MYO3B: variants seen among roughly 807,000 people sequenced by gnomAD.
The protein encoded by MYO3B is myosin-IIIb.
In MYO3B, 156 loss-of-function variants were observed where a neutral mutation model predicts 174.6. That is an observed-to-expected ratio of 0.89 (90% CI 0.78 to 1.02). MYO3B has a LOEUF of 1.02. Among genes scored for constraint, MYO3B ranks in the 50% least tolerant of loss-of-function variants. The probability of loss-of-function intolerance (pLI) is 0.00; values close to 1 mark genes in which losing one functional copy is unlikely to be tolerated. For missense variants in MYO3B, 1,632 were observed against 1,639.4 expected, an observed-to-expected ratio of 1.00 and a Z score of 0.08; for synonymous variants, 563 against 569.1, an observed-to-expected ratio of 0.99 and a Z score of 0.15.
At chr2:170,281,283 T>C (rs115812364) in intron 7 of MYO3B, among the ~76,000 whole-genome samples, 3 of 152,276 alleles carry the variant, frequency 2.0e-5, no homozygotes, top group Non-Finnish European at 2.9e-5. Context: ...AGGTTGGCTG[T>C]TGTCAGAATT....
intron 32 of MYO3B, 81 bp from the exon 33 acceptor site, chr2:170,651,547 G>A: frequency 9.6e-7 from 1 of 1,043,024 alleles, no homozygotes; most frequent in Non-Finnish European, 1.5e-6. Flanking sequence ...TCTACTAAGT[G>A]CATTTATGTG....
chr2:170,523,263 T>C (rs1306122164), intron 30 of MYO3B, among the ~76,000 whole-genome samples: 2 of 152,162 alleles, frequency 1.3e-5, no homozygotes, highest in African/African-American at 4.8e-5. Context: ...CACTCAGATT[T>C]TTATGAGGGA....
intron 32 of MYO3B, among the ~76,000 whole-genome samples, chr2:170,625,527 A>G (rs1167120712): frequency 6.6e-6 from 1 of 151,974 alleles, no homozygotes; most frequent in Non-Finnish European, 1.5e-5. Context: ...TTGATTTTTC[A>G]AAGGGTTTTT....
At chr2:170,498,750 C>T (rs1363282475) in intron 26 of MYO3B, 47 bp downstream of exon 26, 1 of 1,278,074 alleles carries the variant, frequency 7.8e-7, no homozygotes, top group South Asian at 1.2e-5. Flanking sequence ...ATTTCTTTGT[C>T]TCTTGTCAGT....
At position 170,466,708 on chromosome 2, in the gene MYO3B, A is replaced by G. The variant is rs1684660227; in HGVS notation, c.3011A>G (p.Lys1004Arg). 3 of 1,614,030 alleles carry G rather than the reference A, an allele frequency of 1.9e-6. No homozygotes were observed. The South Asian group carries it at 3.3e-5, about 18-fold the overall frequency. ...SHRILFEEFVKRYYYLAFTAH... is the reference protein window; with the variant it reads ...SHRILFEEFVRRYYYLAFTAH... ...CGCATCCTTTTTGAAGAATTTGTGAAAAGGTCAGACCGTCATCTACGGGAA... is the reference window on the plus strand; with the variant it reads ...CGCATCCTTTTTGAAGAATTTGTGAGAAGGTCAGACCGTCATCTACGGGAA... Residue 1004 changes from lysine to arginine, a missense_variant, in exon 25 of 35, where the codon AAA (lysine) becomes AGA (arginine). Lys to Arg is a conservative substitution (Grantham distance 26). Coordinates refer to ENST00000408978, the MANE Select transcript of MYO3B (RefSeq NM_138995.5).
intron 25 of MYO3B, among the ~76,000 whole-genome samples, chr2:170,481,870 TGGTGCCTTTTAGGTAGTTTA>T (rs1685709224): frequency 6.6e-6 from 1 of 152,192 alleles, no homozygotes; most frequent in Non-Finnish European, 1.5e-5. Context: ...CTGTGTGTGT[TGGTGCCTTTTAGGTAGTTTA>T]TGTATTAGAG....
At chr2:170,596,009 A>G (rs1694126013) in intron 32 of MYO3B, among the ~76,000 whole-genome samples, 1 of 152,124 alleles carries the variant, frequency 6.6e-6, no homozygotes, top group Non-Finnish European at 1.5e-5. Context: ...TACACCTTTT[A>G]TTATTCTCTC....
At chr2:170,538,261 C>G (rs866295189) in intron 30 of MYO3B, among the ~76,000 whole-genome samples, 15 of 152,192 alleles carry the variant, frequency 9.9e-5, no homozygotes, top group Admixed American at 2.6e-4. Flanking sequence ...GTGTATCAAC[C>G]AACTAGAGAG....
chr2:170,652,899 C>T (rs986406697), intron 34 of MYO3B, 84 bp from the exon 35 acceptor site: 2 of 1,505,380 alleles, frequency 1.3e-6, no homozygotes, highest in Non-Finnish European at 1.8e-6. Flanking sequence ...GTTCCAGCTA[C>T]TCACATGACT....
At chr2:170,225,975 C>T (rs2092947892) in intron 6 of MYO3B, among the ~76,000 whole-genome samples, 1 of 152,144 alleles carries the variant, frequency 6.6e-6, no homozygotes. Flanking sequence ...TAGTCTTTGC[C>T]TTTTAAGGTC....
chr2:170,586,216 C>G (rs4668284), intron 32 of MYO3B, among the ~76,000 whole-genome samples: 31,357 of 151,962 alleles, frequency 0.21, 4,109 homozygotes, highest in East Asian at 0.41. Context: ...TCTCTAGATT[C>G]CTTTGTGTTT....
At chr2:170,542,843 C>T in intron 30 of MYO3B, 63 bp from the exon 31 acceptor site, 1 of 1,280,436 alleles carries the variant, frequency 7.8e-7, no homozygotes, top group Non-Finnish European at 1.1e-6. Context: ...AAACAGTCCT[C>T]TCTAAGTTTT....
chr2:170,455,173 G>T (rs371449924), intron 23 of MYO3B, among the ~76,000 whole-genome samples: 3 of 152,292 alleles, frequency 2.0e-5, no homozygotes, highest in African/African-American at 7.2e-5. Context: ...TAATTTGTTA[G>T]TCCTGCAAAG....
At chr2:170,617,089 A>AT (rs572177014) in intron 32 of MYO3B, among the ~76,000 whole-genome samples, 77 of 152,262 alleles carry the variant, frequency 5.1e-4, no homozygotes, top group African/African-American at 1.8e-3. Flanking sequence ...TCCGAGTAGA[A>AT]TTTTTTTGCC....
intron 16 of MYO3B, among the ~76,000 whole-genome samples, chr2:170,399,704 G>C (rs904258971): frequency 6.6e-6 from 1 of 152,256 alleles, no homozygotes; most frequent in East Asian, 1.9e-4. Context: ...CTCCTCTCTT[G>C]CTTTGAACAA....
At chr2:170,604,541 G>A (rs184689964) in intron 32 of MYO3B, among the ~76,000 whole-genome samples, 1 of 152,144 alleles carries the variant, frequency 6.6e-6, no homozygotes, top group Admixed American at 6.5e-5. Flanking sequence ...AGCTAAGAGG[G>A]AAGTGAACTG....
chr2:170,525,796 G>A (rs1002326222), intron 30 of MYO3B, among the ~76,000 whole-genome samples: 6 of 152,204 alleles, frequency 3.9e-5, no homozygotes, highest in African/African-American at 7.2e-5. Flanking sequence ...CAGCAGGGCC[G>A]ACTGTGGGCC....
Position 170,652,989 on chromosome 2 carries a change from C to G in MYO3B, c.3894C>G (p.Ile1298Met). 1.2e-6 allele frequency: 2 copies of G among 1,613,766 alleles called. No homozygotes were observed. Among genetic ancestry groups the G allele is most frequent in the Non-Finnish European group, 1.7e-6 (2 of 1,179,878 alleles). Residue 1298 changes from isoleucine to methionine, a missense_variant, in exon 35 of 35, where the codon ATC becomes ATG. By Grantham distance (10) the Ile-to-Met change is conservative. Transcript: ENST00000408978. Reference protein sequence around the residue: ...SKRKPRKLGQIKVLDGEDEYY... With the variant: ...SKRKPRKLGQMKVLDGEDEYY... ...GTTGTTTTCTTTGTTGCAGCCAAAT[C>G]AAAGTACTTGATGGGGAAGATGAAT...
chr2:170,287,583 G>A (rs2093565821), intron 7 of MYO3B, among the ~76,000 whole-genome samples: 1 of 151,608 alleles, frequency 6.6e-6, no homozygotes, highest in African/African-American at 2.4e-5. Context: ...TGTAGTATTT[G>A]GTTTTTTGCT....
Sources: allele counts gnomAD v4.1 joint callset (sites outside exome capture counted in the v4.1 genomes callset), GRCh38; gene constraint gnomAD v4.1.1; transcripts MANE v1.5; gene names NCBI Gene and HGNC (gene_info 2026-07-23, HGNC 2026-07-21).